GRIK1: variants seen among roughly 807,000 people sequenced by gnomAD.
The protein encoded by GRIK1 is glutamate receptor ionotropic, kainate 1.
In GRIK1, 69 loss-of-function variants were observed where a neutral mutation model predicts 105.7. The observed-to-expected ratio is 0.65, with a 90% CI of 0.54 to 0.80. The LOEUF (loss-of-function observed/expected upper bound fraction) is 0.80. Among genes scored for constraint, GRIK1 ranks in the 30% least tolerant of loss-of-function variants. The pLI, the probability that GRIK1 is intolerant of heterozygous loss-of-function variation, is 0.00. For synonymous variants in GRIK1, 438 were observed against 431.3 expected, an observed-to-expected ratio of 1.02 and a Z score of -0.19; for missense variants, 1,109 against 1,167.3, an observed-to-expected ratio of 0.95 and a Z score of 0.73.
intron 1 of GRIK1, among the ~76,000 whole-genome samples, chr21:29,722,278 AT>A (rs2064341571): frequency 6.6e-6 from 1 of 152,136 alleles, no homozygotes; most frequent in East Asian, 1.9e-4. Context: ...GTTGGAGGGT[AT>A]TATCATAAAA....
At chr21:29,912,336 A>G (rs1189555726) in intron 1 of GRIK1, among the ~76,000 whole-genome samples, 4 of 152,082 alleles carry the variant, frequency 2.6e-5, no homozygotes, top group African/African-American at 9.7e-5. Context: ...CCCTCTGATC[A>G]GAGAGATGTC....
At chr21:29,559,428 G>A (rs867162315) in intron 15 of GRIK1, among the ~76,000 whole-genome samples, 5 of 152,138 alleles carry the variant, frequency 3.3e-5, no homozygotes, top group South Asian at 2.1e-4. Flanking sequence ...CTAAATTATA[G>A]GAGAGCTTAC....
At chr21:29,681,077 G>A (rs1601438562) in intron 3 of GRIK1, among the ~76,000 whole-genome samples, 1 of 152,184 alleles carries the variant, frequency 6.6e-6, no homozygotes, top group South Asian at 2.1e-4. Context: ...AGGTTGCAGT[G>A]AGCCGAGATC....
At chr21:29,738,870 T>C (rs2064858668) in intron 1 of GRIK1, among the ~76,000 whole-genome samples, 1 of 152,250 alleles carries the variant, frequency 6.6e-6, no homozygotes, top group Non-Finnish European at 1.5e-5. Context: ...ATATTGCTCT[T>C]GGAAACAATA....
intron 1 of GRIK1, among the ~76,000 whole-genome samples, chr21:29,849,504 C>G (rs937147832): frequency 2.0e-5 from 3 of 152,172 alleles, no homozygotes; most frequent in Non-Finnish European, 2.9e-5. Context: ...TTTCCTGCGC[C>G]CATCCTTCCT....
rs548990210 is a variant in GRIK1 at position 29,712,965 on chromosome 21, A to G, written c.119-18902T>C. On this transcript the variant is annotated intron_variant, in intron 1 of 17. Coordinates refer to ENST00000327783, the MANE Select transcript of GRIK1 (RefSeq NM_001330994.2). Reference sequence around the variant, plus strand: ...CTATACCATTGTTCACATTGAGATAAGAGTTGCCTTGTGATGCTATGTTGA... The same window carrying G: ...CTATACCATTGTTCACATTGAGATAGGAGTTGCCTTGTGATGCTATGTTGA... 2.6e-5 allele frequency among the ~76,000 whole-genome samples: 4 copies of G among 152,138 alleles called. No homozygotes were observed. The East Asian group carries it at 7.7e-4, about 29-fold the overall frequency.
chr21:29,895,071 G>A (rs1289570253), intron 1 of GRIK1, among the ~76,000 whole-genome samples: 1 of 152,166 alleles, frequency 6.6e-6, no homozygotes, highest in African/African-American at 2.4e-5. Flanking sequence ...GGTGGTGGCA[G>A]GGGGCTCAGA....
chr21:29,671,177 C>T (rs1473956259), intron 4 of GRIK1, among the ~76,000 whole-genome samples: 1 of 151,996 alleles, frequency 6.6e-6, no homozygotes, highest in Non-Finnish European at 1.5e-5. Flanking sequence ...GGCTGGAGTA[C>T]AGTGGCATAA....
At chr21:29,768,782 A>C (rs1473121967) in intron 1 of GRIK1, among the ~76,000 whole-genome samples, 1 of 152,132 alleles carries the variant, frequency 6.6e-6, no homozygotes, top group African/African-American at 2.4e-5. Context: ...TTCACCATAC[A>C]CACATTTTCT....
At chr21:29,567,111 T>C (rs920008741) in intron 14 of GRIK1, among the ~76,000 whole-genome samples, 2 of 152,242 alleles carry the variant, frequency 1.3e-5, no homozygotes, top group Non-Finnish European at 2.9e-5. Context: ...GACAGTGTTT[T>C]AGGAAGTGCA....
At chr21:29,823,868 A>G (rs970144442) in intron 1 of GRIK1, among the ~76,000 whole-genome samples, 10 of 151,948 alleles carry the variant, frequency 6.6e-5, no homozygotes, top group Non-Finnish European at 1.5e-4. Context: ...TTCTTCTTGA[A>G]TATATATTTA....
At chr21:29,919,369 G>A (rs1303574815) in intron 1 of GRIK1, among the ~76,000 whole-genome samples, 3 of 152,106 alleles carry the variant, frequency 2.0e-5, no homozygotes, top group Non-Finnish European at 2.9e-5. Flanking sequence ...TCTTGTTGGC[G>A]GAAGCATGGT....
At chr21:29,738,573 A>G (rs1414504049) in intron 1 of GRIK1, among the ~76,000 whole-genome samples, 1 of 152,252 alleles carries the variant, frequency 6.6e-6, no homozygotes, top group Non-Finnish European at 1.5e-5. Flanking sequence ...TTGTATGGAA[A>G]CAATAAATGA....
chr21:29,728,504 G>A (rs1569022310), intron 1 of GRIK1, among the ~76,000 whole-genome samples: 1 of 152,134 alleles, frequency 6.6e-6, no homozygotes, highest in African/African-American at 2.4e-5. Flanking sequence ...ATGAGCAAGT[G>A]CTATAAGAAT....
intron 1 of GRIK1, among the ~76,000 whole-genome samples, chr21:29,819,828 C>T (rs2067249790): frequency 6.6e-6 from 1 of 151,910 alleles, no homozygotes; most frequent in Admixed American, 6.6e-5. Flanking sequence ...AGACCCTGAC[C>T]CAGATGACAG....
chr21:29,868,765 A>G (rs2068911964), intron 1 of GRIK1, among the ~76,000 whole-genome samples: 1 of 151,972 alleles, frequency 6.6e-6, no homozygotes, highest in Non-Finnish European at 1.5e-5. Flanking sequence ...TTCTTTTGCT[A>G]TCATTGTCAG....
At chr21:29,872,153 G>A (rs1380483057) in intron 1 of GRIK1, among the ~76,000 whole-genome samples, 3 of 149,636 alleles carry the variant, frequency 2.0e-5, no homozygotes, top group Non-Finnish European at 3.0e-5. Flanking sequence ...ATTGTGGATT[G>A]TCTAAATCAA....
intron 1 of GRIK1, among the ~76,000 whole-genome samples, chr21:29,936,997 C>T (rs1045716601): frequency 5.9e-5 from 9 of 152,060 alleles, no homozygotes; most frequent in African/African-American, 1.7e-4. Context: ...TTTAGTTGAT[C>T]GGTCGGTTGC....
intron 16 of GRIK1, among the ~76,000 whole-genome samples, chr21:29,545,373 G>A (rs2090034644): frequency 6.6e-6 from 1 of 152,214 alleles, no homozygotes; most frequent in South Asian, 2.1e-4. Flanking sequence ...GTGGCTTTGT[G>A]CCTTGGCCCT....
Sources: gnomAD v4.1 joint callset for allele counts (sites outside exome capture counted in the v4.1 genomes callset) on GRCh38, gnomAD v4.1.1 for gene constraint, MANE v1.5 for transcripts, NCBI Gene and HGNC (gene_info 2026-07-23, HGNC 2026-07-21) for gene names.